Variants in ATP1B4 observed in about 807,000 individuals in gnomAD.
ATP1B4 encodes the protein protein ATP1B4.
ATP1B4 carries 32 observed loss-of-function variants against 29.6 expected under a neutral mutation model. The observed-to-expected ratio is 1.08, with a 90% confidence interval of 0.82 to 1.45. ATP1B4 has a LOEUF of 1.45. ATP1B4 is among the 40% of genes most tolerant of loss of function. The probability of loss-of-function intolerance (pLI) is 0.00; values close to 1 mark genes in which losing one functional copy is unlikely to be tolerated. For synonymous variants in ATP1B4, 127 were observed against 102.1 expected, an observed-to-expected ratio of 1.24 and a Z score of -1.47; for missense variants, 323 against 276.2, an observed-to-expected ratio of 1.17 and a Z score of -1.20.
intron 4 of ATP1B4, among the ~76,000 whole-genome samples, chrX:120,374,668 A>T (rs867586044): frequency 3.4e-3 from 19 of 5,581 alleles, no homozygotes; most frequent in Non-Finnish European, 0.01. Flanking sequence ...ATAATATATA[A>T]TATATATATT....
At chrX:120,378,213 G>A (rs1192916804) in intron 6 of ATP1B4, among the ~76,000 whole-genome samples, 1 of 111,883 alleles carries the variant, frequency 8.9e-6, no homozygotes, top group African/African-American at 3.3e-5. Context: ...CGAGCCTGCA[G>A]TGTGCAAATC....
intron 4 of ATP1B4, among the ~76,000 whole-genome samples, chrX:120,374,749 GTATATATATATATTATATATA>G (rs2058338694): frequency 1.1e-4 from 1 of 8,987 alleles, no homozygotes; most frequent in Non-Finnish European, 1.4e-4. Context: ...ATATAAGGGT[GTATATATATATATTATATATA>G]TATAATATAT....
intron 2 of ATP1B4, among the ~76,000 whole-genome samples, chrX:120,368,401 C>A (rs972983249): frequency 1.8e-5 from 2 of 112,197 alleles, no homozygotes; most frequent in Non-Finnish European, 3.8e-5. Context: ...TGGACATCAA[C>A]CTGCCCAATA....
At chrX:120,367,181 T>A (rs2058290481) in intron 2 of ATP1B4, among the ~76,000 whole-genome samples, 1 of 112,272 alleles carries the variant, frequency 8.9e-6, no homozygotes, top group African/African-American at 3.2e-5. Context: ...AATCCCTGAC[T>A]TGCTTCTCTT....
intron 6 of ATP1B4, among the ~76,000 whole-genome samples, 165 bp downstream of exon 6, chrX:120,376,601 G>A (rs3213724): frequency 9.0e-6 from 1 of 110,964 alleles, no homozygotes; most frequent in Non-Finnish European, 1.9e-5. Flanking sequence ...TTTCCAGAAA[G>A]CATTCAATTC....
At chrX:120,369,393 T>C (rs1354360615) in intron 2 of ATP1B4, among the ~76,000 whole-genome samples, 1 of 112,693 alleles carries the variant, frequency 8.9e-6, no homozygotes, top group Admixed American at 9.4e-5. Context: ...TACTATGGGT[T>C]TTTTTTCTCC....
intron 7 of ATP1B4, among the ~76,000 whole-genome samples, chrX:120,379,217 C>A (rs748969320): frequency 5.4e-5 from 6 of 111,962 alleles, no homozygotes; most frequent in African/African-American, 1.6e-4. Context: ...CCAGAAAAAT[C>A]ATATCATGCT....
intron 1 of ATP1B4, among the ~76,000 whole-genome samples, chrX:120,365,416 C>A (rs1047138322): frequency 1.8e-5 from 2 of 112,135 alleles, no homozygotes; most frequent in Non-Finnish European, 3.8e-5. Flanking sequence ...CCTCCTCCCC[C>A]CAACAAAGGC....
chrX:120,371,203 T>C lies in ATP1B4; in HGVS notation c.555T>C (p.Phe185=), dbSNP rs1409185785. The C allele has an allele frequency of 1.7e-6, 2 of 1,199,770 alleles. No individual in the cohort carries two copies. The highest frequency in any genetic ancestry group is 2.2e-5 in the Admixed American group (1 of 45,998). ...WQHYVISLNG[F]LQGYNDSLQE... The stretch of plus-strand genomic sequence containing the variant: ...ATTATGTGATTAGCCTAAATGGCTT[T>C]CTCCAGGGTAAGTAAGTTCGTCTGA... Residue 185 remains phenylalanine, a synonymous_variant, in exon 4 of 8, where the codon TTT becomes TTC. Coordinates refer to ENST00000218008, the MANE Select transcript of ATP1B4 (RefSeq NM_001142447.3).
chrX:120,375,323 C>T (rs748687269), intron 4 of ATP1B4, 49 bp from the exon 5 acceptor site: 2 of 1,106,838 alleles, frequency 1.8e-6, no homozygotes, highest in Admixed American at 2.3e-5. Flanking sequence ...ACGGCCTTCC[C>T]CTGTAGCACC....
At chrX:120,370,649 A>G in intron 2 of ATP1B4, 66 bp from the exon 3 acceptor site, 1 of 1,176,457 alleles carries the variant, frequency 8.5e-7, no homozygotes, top group Non-Finnish European at 1.1e-6. Context: ...CTGGTTCATG[A>G]GTCCAAGCAG....
Position 120,375,538 on chromosome X carries a change from A to C in ATP1B4, c.729A>C (p.Gly243=). ...LEDPTFGYST[G]QPCILLKMNR... is the part of the protein sequence containing the mutation. ...ACCCAACTTTTGGATACTCTACTGG[A>C]CAGCCCTGCATCCTTCTAAAGATGA... The change falls in exon 5 of 8, where the codon GGA becomes GGC. Residue 243 remains glycine (G), a synonymous_variant. Coordinates refer to ENST00000218008, the MANE Select transcript of ATP1B4 (RefSeq NM_001142447.3). 1 of 1,209,746 alleles carries C rather than the reference A, an allele frequency of 8.3e-7. No homozygotes were observed. The highest frequency in any genetic ancestry group is 1.1e-6 in the Non-Finnish European group (1 of 894,828).
At chrX:120,374,970 C>G (rs1343079889) in intron 4 of ATP1B4, among the ~76,000 whole-genome samples, 3 of 102,892 alleles carry the variant, frequency 2.9e-5, no homozygotes, top group Non-Finnish European at 3.9e-5. Flanking sequence ...CTTCCAAAAT[C>G]TACCAACTAT....
At chrX:120,377,331 T>C (rs1029905253) in intron 6 of ATP1B4, among the ~76,000 whole-genome samples, 5 of 112,140 alleles carry the variant, frequency 4.5e-5, no homozygotes, top group African/African-American at 1.6e-4. Flanking sequence ...ATCAAGACAA[T>C]CAAGTATTAC....
chrX:120,376,295 T>G lies in ATP1B4; in HGVS notation c.760-85T>G. The G allele has an allele frequency of 6.7e-6, 6 of 896,761 alleles. No individual in the cohort carries two copies. The South Asian group carries it at 1.1e-4, about 16-fold the overall frequency. The allele number at this position is 896,761 out of a possible 1,213,427, so 73.9% of individuals were successfully genotyped here. On this transcript the variant is annotated intron_variant, in intron 5 of 7. Transcript: ENST00000218008. ...AAGCATATGCCTGAGGAAGCATGAC[T>G]GGGAGGAAGGTTAGAAAAGCCCAAT...
intron 2 of ATP1B4, among the ~76,000 whole-genome samples, chrX:120,368,777 G>A (rs186320450): frequency 8.9e-5 from 10 of 111,850 alleles, no homozygotes; most frequent in Non-Finnish European, 1.7e-4. Flanking sequence ...TTGGGAGCAC[G>A]GTTACTTAGT....
In ATP1B4 at chrX:120,378,834, G is replaced by GA. The variant is rs370002016; in HGVS notation, c.912+61_912+62insA. The GA allele has an allele frequency of 2.8e-4, 285 of 1,026,928 alleles. No individual in the cohort carries two copies. In the African/African-American group the frequency reaches 4.5e-3, roughly 16 times the overall value. The allele number at this position is 1,026,928 out of a possible 1,213,427, so 84.6% of individuals were successfully genotyped here. On this transcript the variant is annotated intron_variant, in intron 7 of 7. Transcript: ENST00000218008. The stretch of plus-strand genomic sequence containing the variant: ...AGGGCTCAGTGACAAAAGAAGAGCT[G>GA]GCTGGGATCTATGAGAATTAGGGAG...
Position 120,370,715 on chromosome X carries a change from G to A in ATP1B4, c.329G>A (p.Ser110Asn), listed in dbSNP as rs2058308527. The A allele has an allele frequency of 8.3e-7, 1 of 1,209,146 alleles. No homozygotes were observed. Among genetic ancestry groups the A allele is most frequent in the Non-Finnish European group, 1.1e-6 (1 of 894,913 alleles). Reference sequence around the variant, plus strand: ...ACTCTCATCTGTGATTGCTCTGCAGGCCTGATCTTACTCATTTACTTCTTC... The same window carrying A: ...ACTCTCATCTGTGATTGCTCTGCAGACCTGATCTTACTCATTTACTTCTTC... ...MFLARTGQSWSLILLIYFFFY... is the reference protein window; with the variant it reads ...MFLARTGQSWNLILLIYFFFY... The change falls in exon 3 of 8, where the codon AGC (serine) becomes AAC (asparagine). Residue 110 changes from serine to asparagine, a missense_variant and splice_region_variant. By Grantham distance (46) the Ser-to-Asn change is conservative (BLOSUM62 1). Coordinates refer to ENST00000218008, the MANE Select transcript of ATP1B4 (RefSeq NM_001142447.3).
chrX:120,371,366 A>ACAAT (rs1485520770), intron 4 of ATP1B4, among the ~76,000 whole-genome samples, 156 bp downstream of exon 4: 1 of 111,898 alleles, frequency 8.9e-6, no homozygotes. Context: ...ACCTGTAGCT[A>ACAAT]CAATCAGAAT....
Sources: allele counts gnomAD v4.1 joint callset (sites outside exome capture counted in the v4.1 genomes callset), GRCh38; gene constraint gnomAD v4.1.1; transcripts MANE v1.5; gene names NCBI Gene and HGNC (gene_info 2026-07-23, HGNC 2026-07-21).